The following SLC46A2 variants were observed in gnomAD, a reference collection of about 807,000 sequenced individuals.
SLC46A2 encodes thymic stromal co-transporter.
In SLC46A2, 25 loss-of-function variants were observed where a neutral mutation model predicts 33.1. The observed-to-expected ratio is 0.76, with a 90% CI of 0.55 to 1.06. The LOEUF (loss-of-function observed/expected upper bound fraction) is 1.06. SLC46A2 is among the 50% of genes least tolerant of loss of function. SLC46A2 has a pLI of 0.00. For missense variants in SLC46A2, 622 were observed against 621.7 expected (o/e 1.00, Z 0.00); for synonymous variants, 254 against 275.9 (o/e 0.92, Z 0.79).
intron 3 of SLC46A2, among the ~76,000 whole-genome samples, chr9:112,881,274 C>T (rs972254330): frequency 6.6e-6 from 1 of 152,168 alleles, no homozygotes. Context: ...ATGAACAACA[C>T]CTGGAGTTGC....
chr9:112,882,393 C>T (rs1375214723), intron 3 of SLC46A2, among the ~76,000 whole-genome samples: 3 of 152,170 alleles, frequency 2.0e-5, no homozygotes, highest in African/African-American at 4.8e-5. Flanking sequence ...AGGTGTGAGC[C>T]ACTGCACCCA....
In SLC46A2 at chr9:112,886,259, A is replaced by AT. The variant is rs1345530271; in HGVS notation, c.1370+200dup. Among the ~76,000 whole-genome samples the AT allele has an allele frequency of 7.2e-5, 11 of 152,304 alleles. No individual in the cohort carries two copies. In the East Asian group the frequency reaches 1.9e-3, roughly 27 times the overall value. ...CTAATGACCCTGTTTCTTACTTGTG[A>AT]TTTTGAGGAATTCTGAAATGGCCAC... On this transcript the variant is annotated intron_variant, in intron 3 of 3. Transcript: ENST00000374228.
At position 112,890,139 on chromosome 9, in the gene SLC46A2, G is replaced by A; in HGVS notation, c.543C>T (p.Gly181=). 8 of 1,613,568 alleles carry A rather than the reference G, an allele frequency of 5.0e-6. No individual in the cohort carries two copies. The highest frequency in any genetic ancestry group is 6.8e-6 in the Non-Finnish European group (8 of 1,179,952). ...CCATGCTCCCGCAGAACCCCGCCAA[G>A]CCCAGCATCAGGTCAATGAGGATGA... ...VRLILIDLML[G]LAGFCGSMAS... Residue 181 remains glycine, a synonymous_variant, in exon 1 of 4, where the codon GGC becomes GGT. Coordinates refer to ENST00000374228, the MANE Select transcript of SLC46A2 (RefSeq NM_033051.4). This position sits in a 1 kb window ranked among gnomAD's most constrained non-coding sequence, Gnocchi z 6.0.
chr9:112,888,690 A>G (rs1841677845), intron 1 of SLC46A2, among the ~76,000 whole-genome samples: 1 of 152,204 alleles, frequency 6.6e-6, no homozygotes, highest in Non-Finnish European at 1.5e-5. Flanking sequence ...TTCTGCTTAT[A>G]GTTGTCTGAC....
Position 112,890,668 on chromosome 9 carries a change from A to G in SLC46A2, c.14T>C (p.Val5Ala), listed in dbSNP as rs748262223. Residue 5 changes from valine to alanine, a missense_variant, in exon 1 of 4, where the codon GTC becomes GCC. Val to Ala is a moderately conservative substitution (Grantham distance 64). Transcript: ENST00000374228. This position sits in a 1 kb window ranked among gnomAD's most constrained non-coding sequence, Gnocchi z 6.0. ...CAGGTGGCCCCTCCGCGGGCAGGTGACCTCGGGGCTCATGTGACCTCTCTG... is the reference window on the plus strand; with the variant it reads ...CAGGTGGCCCCTCCGCGGGCAGGTGGCCTCGGGGCTCATGTGACCTCTCTG... MSPE[V>A]TCPRRGHLPR... The G allele has an allele frequency of 6.3e-7, 1 of 1,596,828 alleles. No individual in the cohort carries two copies. The highest frequency in any genetic ancestry group is 8.5e-7 in the Non-Finnish European group (1 of 1,178,982).
intron 1 of SLC46A2, 51 bp downstream of exon 1, chr9:112,889,502 A>G: frequency 6.5e-7 from 1 of 1,534,124 alleles, no homozygotes; most frequent in Non-Finnish European, 8.8e-7. Context: ...TGTCAGCCCC[A>G]TGATGCAGAG....
chr9:112,890,150 G>T lies in SLC46A2; in HGVS notation c.532C>A (p.Leu178Met). Residue 178 changes from leucine to methionine, a missense_variant, in exon 1 of 4, where the codon CTG (leucine) becomes ATG (methionine). Coordinates refer to ENST00000374228, the MANE Select transcript of SLC46A2 (RefSeq NM_033051.4). The surrounding 1 kb of genome is among the most constrained non-coding windows in gnomAD (Gnocchi z 6.0). ...RRSVRLILID[L>M]MLGLAGFCGS... ...CAGAACCCCGCCAAGCCCAGCATCAGGTCAATGAGGATGAGGCGCACAGAG... is the reference window on the plus strand; with the variant it reads ...CAGAACCCCGCCAAGCCCAGCATCATGTCAATGAGGATGAGGCGCACAGAG... 1 of 1,613,620 alleles carries T rather than the reference G, an allele frequency of 6.2e-7. No individual in the cohort carries two copies. Among genetic ancestry groups the T allele is most frequent in the Non-Finnish European group, 8.5e-7 (1 of 1,179,992 alleles).
rs202214849 is a variant in SLC46A2 at position 112,886,543 on chromosome 9, G to A, written c.1287C>T (p.Ile429=). Residue 429 remains isoleucine (I), a synonymous_variant, in exon 3 of 4, where the codon ATC becomes ATT. Coordinates refer to ENST00000374228, the MANE Select transcript of SLC46A2 (RefSeq NM_033051.4). The part of the protein sequence containing the change: ...GVVTSTLYNK[I]YQLTMDMFVG... ...CAAACATGTCCATGGTGAGCTGGTA[G>A]ATCTTGTTGTACAAGGTGGATGTCA... is the stretch of plus-strand genomic sequence containing the variant. The A allele has an allele frequency of 3.8e-5, 61 of 1,614,074 alleles. No individual in the cohort carries two copies. Among genetic ancestry groups the A allele is most frequent in the Non-Finnish European group, 5.2e-5 (61 of 1,180,036 alleles).
chr9:112,881,326 A>T (rs1841574697), intron 3 of SLC46A2: 1 of 152,216 alleles, frequency 6.6e-6, no homozygotes, highest in South Asian at 2.1e-4. Flanking sequence ...TTTAAGGGAA[A>T]CTTTGTAGAC....
chr9:112,886,717 ACTCTCTCT>A, intron 2 of SLC46A2, 101 bp from the exon 3 acceptor site: 3 of 1,128,070 alleles, frequency 2.7e-6, no homozygotes, highest in East Asian at 2.6e-5. Context: ...CTTCCTTCTT[ACTCTCTCT>A]CTCTCTCTCT....
rs1489936356 is a variant in SLC46A2 at position 112,887,342 on chromosome 9, C to T, written c.1201G>A (p.Gly401Ser). The change falls in exon 2 of 4, where the codon GGC becomes AGC. Residue 401 changes from glycine (G) to serine (S), a missense_variant. Transcript: ENST00000374228. The part of the protein sequence containing the change: ...IRSAMSKLIK[G>S]SSYGKVFVIL... ...GTTCACTACTCACCATAAGAGGAGCCCTTTATGAGTTTGGACATAGCTGAT... is the reference window on the plus strand; with the variant it reads ...GTTCACTACTCACCATAAGAGGAGCTCTTTATGAGTTTGGACATAGCTGAT... The T allele has an allele frequency of 6.2e-7, 1 of 1,611,602 alleles. No homozygotes were observed. Among genetic ancestry groups the T allele is most frequent in the Non-Finnish European group, 8.5e-7 (1 of 1,179,084 alleles).
chr9:112,887,946 TGAGAGAGAGA>T (rs59654891), intron 1 of SLC46A2, among the ~76,000 whole-genome samples: 1 of 139,288 alleles, frequency 7.2e-6, no homozygotes, highest in Non-Finnish European at 1.5e-5. Flanking sequence ...TGTGTGTGTG[TGAGAGAGAGA>T]GAGAGAGAGA....
chr9:112,887,297 GAA>G, intron 2 of SLC46A2, 31 bp downstream of exon 2: 7 of 1,603,522 alleles, frequency 4.4e-6, no homozygotes, highest in Non-Finnish European at 6.0e-6. Context: ...AGCCCGGGCA[GAA>G]GATTCCAGAG....
At position 112,888,895 on chromosome 9, in the gene SLC46A2, G is replaced by GT. The variant is rs145272842; in HGVS notation, c.1129+657dup. Among the ~76,000 whole-genome samples, 378 of 143,676 alleles carry GT rather than the reference G, an allele frequency of 2.6e-3. 4 individuals are homozygous for GT. The highest frequency in any genetic ancestry group is 8.9e-3 in the African/African-American group (336 of 37,606). The allele number at this position is 143,676 out of a possible 152,430, so 94.3% of individuals were successfully genotyped here. On this transcript the variant is annotated intron_variant, in intron 1 of 3. Coordinates refer to ENST00000374228, the MANE Select transcript of SLC46A2 (RefSeq NM_033051.4). ...CACGTTTTTTTTTTTTTGTTTGTTT[G>GT]TTTTTTTTTTTTTGAGACAGAGTCT... is the stretch of plus-strand genomic sequence containing the variant.
At chr9:112,883,675 T>A (rs1841610242) in intron 3 of SLC46A2, among the ~76,000 whole-genome samples, 1 of 147,004 alleles carries the variant, frequency 6.8e-6, no homozygotes, top group African/African-American at 2.5e-5. Context: ...TGGCTTCTCT[T>A]TTCTGTTTTT....
intron 1 of SLC46A2, among the ~76,000 whole-genome samples, chr9:112,887,912 AGTGTGTGTGTGTGTGT>A (rs34424153): frequency 7.0e-6 from 1 of 142,268 alleles, no homozygotes; most frequent in Admixed American, 7.0e-5. Flanking sequence ...ATCCAGATGC[AGTGTGTGTGTGTGTGT>A]GTGTGTGTGT....
At chr9:112,882,587 G>A (rs1387417979) in intron 3 of SLC46A2, among the ~76,000 whole-genome samples, 1 of 152,164 alleles carries the variant, frequency 6.6e-6, no homozygotes, top group African/African-American at 2.4e-5. Context: ...AGTCATCCAG[G>A]TGCTCTGGAT....
Position 112,890,197 on chromosome 9 carries a change from A to T in SLC46A2, c.485T>A (p.Leu162Gln), listed in dbSNP as rs1414588012. 6.2e-7 allele frequency: 1 copy of T among 1,612,830 alleles called. No individual in the cohort carries two copies. The highest frequency in any genetic ancestry group is 8.5e-7 in the Non-Finnish European group (1 of 1,179,866). ...AGAGCGGCGGCCCTCGGAGGAGCCC[A>T]GCGATCCCAGCGCCATGACCCCGGA... is the stretch of plus-strand genomic sequence containing the variant. ...FWSGVMALGS[L>Q]GSSEGRRSVR... Residue 162 changes from leucine (L) to glutamine (Q), a missense_variant, in exon 1 of 4, where the codon CTG becomes CAG. Coordinates refer to ENST00000374228, the MANE Select transcript of SLC46A2 (RefSeq NM_033051.4). The surrounding 1 kb of genome is among the most constrained non-coding windows in gnomAD (Gnocchi z 6.0).
intron 3 of SLC46A2, among the ~76,000 whole-genome samples, chr9:112,886,077 G>A (rs1193575568): frequency 6.6e-6 from 1 of 152,222 alleles, no homozygotes; most frequent in Middle Eastern, 3.2e-3. Context: ...AAGAAACTGT[G>A]CTCTGAAATG....
Sources: gnomAD v4.1 joint callset for allele counts (sites outside exome capture counted in the v4.1 genomes callset) on GRCh38, gnomAD v4.1.1 for gene constraint, Gnocchi (gnomAD v3.1) non-coding constraint, MANE v1.5 for transcripts, NCBI Gene and HGNC (gene_info 2026-07-23, HGNC 2026-07-21) for gene names.